The following SPEM3 variants were observed in gnomAD, a reference collection of about 807,000 sequenced individuals.
The protein encoded by SPEM3 is SPEM family member 3, also known as uncharacterized protein SPEM3.
chr17:7,429,571 G>T lies in SPEM3; in HGVS notation c.400G>T (p.Gly134Cys). Residue 134 changes from glycine (G) to cysteine (C), a missense_variant, in exon 3 of 3, where the codon GGC becomes TGC. Gly to Cys is a radical substitution (Grantham distance 159). Transcript: ENST00000636696. This position sits in a 1 kb window ranked among gnomAD's most constrained non-coding sequence, Gnocchi z 4.9. ...CGTGCCCCCTAAATGTGGACATGCC[G>T]GCGTTCCCAGGGAGTCTGCACGGGG... ...CCVPPKCGHA[G>C]VPRESARGLY... The T allele has an allele frequency of 2.5e-6, 1 of 398,660 alleles. No homozygotes were observed. The highest frequency in any genetic ancestry group is 4.4e-6 in the Non-Finnish European group (1 of 226,152). The allele number at this position is 398,660 out of a possible 1,614,324, so 24.7% of individuals were successfully genotyped here. A position where few individuals can be genotyped will look rare whatever the true frequency, so the allele number is the denominator to read the frequency against.
Position 7,432,008 on chromosome 17 carries a change from A to C in SPEM3, c.2837A>C (p.Lys946Thr), listed in dbSNP as rs182303180. The change falls in exon 3 of 3, where the codon AAA (lysine) becomes ACA (threonine). Residue 946 changes from lysine (K) to threonine (T), a missense_variant. By Grantham distance (78) the Lys-to-Thr change is moderately conservative (BLOSUM62 -1). Coordinates refer to ENST00000636696, the MANE Select transcript of SPEM3 (RefSeq NM_001364708.1). The surrounding 1 kb of genome is among the most constrained non-coding windows in gnomAD (Gnocchi z 4.1). ...CTCCCAAGCCTTACCCAAGCCACTA[A>C]AGTTGAAAGAAGATTTAGCCTTCCC... ...SNLPSLTQATKVERRFSLPQD... is the reference protein window; with the variant it reads ...SNLPSLTQATTVERRFSLPQD... 86 of 398,546 alleles carry C rather than the reference A, an allele frequency of 2.2e-4. No individual in the cohort carries two copies. In the East Asian group the frequency reaches 3.1e-3, roughly 14 times the overall value. 24.7% of individuals were successfully genotyped at this position (398,546 alleles called of 1,614,324 possible).
chr17:7,429,123 C>T lies in SPEM3; in HGVS notation c.139-67C>T, dbSNP rs1907745864. On this transcript the variant is annotated intron_variant, in intron 1 of 2. Transcript: ENST00000636696. The surrounding 1 kb of genome is among the most constrained non-coding windows in gnomAD (Gnocchi z 4.9). ...AGGTGGGAGGGCTGTTGGGGTGTGG[C>T]CAGATAAGAGTTGGACTTAGGGGCT... The T allele has an allele frequency of 5.0e-6, 2 of 398,794 alleles. No individual in the cohort carries two copies. The highest frequency in any genetic ancestry group is 4.4e-5 in the Admixed American group (1 of 22,728). The allele number at this position is 398,794 out of a possible 1,614,324, so 24.7% of individuals were successfully genotyped here. A position where few individuals can be genotyped will look rare whatever the true frequency, so the allele number is the denominator to read the frequency against.
At position 7,431,400 on chromosome 17, in the gene SPEM3, C is replaced by A; in HGVS notation, c.2229C>A (p.Asp743Glu). The A allele has an allele frequency of 2.5e-6, 1 of 398,568 alleles. No homozygotes were observed. Among genetic ancestry groups the A allele is most frequent in the Non-Finnish European group, 4.4e-6 (1 of 226,064 alleles). 24.7% of individuals were successfully genotyped at this position (398,568 alleles called of 1,614,324 possible). A position where few individuals can be genotyped will look rare whatever the true frequency, so the allele number is the denominator to read the frequency against. The change falls in exon 3 of 3, where the codon GAC (aspartate) becomes GAA (glutamate). Residue 743 changes from aspartate (D) to glutamate (E), a missense_variant. By Grantham distance (45) the Asp-to-Glu change is conservative. Coordinates refer to ENST00000636696, the MANE Select transcript of SPEM3 (RefSeq NM_001364708.1). ...YLCQNPSPSQ[D>E]FGLHKNSGIT... ...GCCAGAATCCAAGCCCTTCTCAAGA[C>A]TTTGGTCTTCACAAGAATTCAGGCA...
Position 7,430,369 on chromosome 17 carries a change from T to TCTGCCCCCAGCCC in SPEM3, c.1199_1211dup (p.Ala405CysfsTer19). On this transcript the variant is annotated frameshift_variant, in exon 3 of 3. Transcript: ENST00000636696. LOFTEE classifies it low-confidence loss of function (END_TRUNC). ...TCCAACACCAGCCCCTGTCCCAGCC[T>TCTGCCCCCAGCCC]CTGCCCCCAGCCCTGCTCCAGCACT... 1 of 416,414 alleles carries TCTGCCCCCAGCCC rather than the reference T, an allele frequency of 2.4e-6. No individual in the cohort carries two copies. Among genetic ancestry groups the TCTGCCCCCAGCCC allele is most frequent in the Non-Finnish European group, 4.2e-6 (1 of 236,990 alleles). The allele number at this position is 416,414 out of a possible 1,614,324, so 25.8% of individuals were successfully genotyped here. A position where few individuals can be genotyped will look rare whatever the true frequency, so the allele number is the denominator to read the frequency against.
chr17:7,432,646 C>T lies in SPEM3; in HGVS notation c.3475C>T (p.Gln1159Ter), dbSNP rs923785969. Residue 1159 changes from glutamine to a stop codon, truncating the protein, a stop_gained, in exon 3 of 3, where the codon CAG becomes TAG. Transcript: ENST00000636696. LOFTEE classifies it high-confidence loss of function. The surrounding 1 kb of genome is among the most constrained non-coding windows in gnomAD (Gnocchi z 4.1). ...AGGGCATGTGGTTTTTGATGCCCGT[C>T]AGAGACGGTTGGCAGTGGGCAAGGA... The part of the protein sequence containing the change: ...QAGHVVFDAR[Q>*]RRLAVGKDKC... 1.8e-5 allele frequency: 7 copies of T among 398,646 alleles called. No homozygotes were observed. The highest frequency in any genetic ancestry group is 2.7e-5 in the Non-Finnish European group (6 of 226,094). 24.7% of individuals were successfully genotyped at this position (398,646 alleles called of 1,614,324 possible). A position where few individuals can be genotyped will look rare whatever the true frequency, so the allele number is the denominator to read the frequency against.
At position 7,430,511 on chromosome 17, in the gene SPEM3, GCCATGTGGT is replaced by G; in HGVS notation, c.1342_1350del (p.His448_Val450del). Reference sequence around the variant, plus strand: ...GCCTTCAGCCATGACCTCTCCACTGGCCATGTGGTCTATGATGCCCGCAGGGAAAAGCAG... The same window carrying G: ...GCCTTCAGCCATGACCTCTCCACTGGCTATGATGCCCGCAGGGAAAAGCAG... On this transcript the variant is annotated inframe_deletion, in exon 3 of 3. Transcript: ENST00000636696. 1 of 399,128 alleles carries G rather than the reference GCCATGTGGT, an allele frequency of 2.5e-6. No individual in the cohort carries two copies. The highest frequency in any genetic ancestry group is 4.4e-6 in the Non-Finnish European group (1 of 226,440). The allele number at this position is 399,128 out of a possible 1,614,324, so 24.7% of individuals were successfully genotyped here. A position where few individuals can be genotyped will look rare whatever the true frequency, so the allele number is the denominator to read the frequency against.
Position 7,432,379 on chromosome 17 carries a change from C to T in SPEM3, c.3208C>T (p.Arg1070Cys), listed in dbSNP as rs925018015. 9 of 398,516 alleles carry T rather than the reference C, an allele frequency of 2.3e-5. No homozygotes were observed. The highest frequency in any genetic ancestry group is 2.1e-5 in the African/African-American group (1 of 48,622). The allele number at this position is 398,516 out of a possible 1,614,324, so 24.7% of individuals were successfully genotyped here. A position where few individuals can be genotyped will look rare whatever the true frequency, so the allele number is the denominator to read the frequency against. The change falls in exon 3 of 3, where the codon CGT becomes TGT. Residue 1070 changes from arginine (R) to cysteine (C), a missense_variant. Coordinates refer to ENST00000636696, the MANE Select transcript of SPEM3 (RefSeq NM_001364708.1). The surrounding 1 kb of genome is among the most constrained non-coding windows in gnomAD (Gnocchi z 4.1). ...EDAQRHVLWA[R>C]VQLNENSCPS... ...CGCACAGCGGCACGTCCTCTGGGCT[C>T]GTGTCCAACTCAATGAGAACTCCTG...
Position 7,429,407 on chromosome 17 carries a change from C to T in SPEM3, c.236C>T (p.Ser79Phe), listed in dbSNP as rs1331134731. 1 of 398,496 alleles carries T rather than the reference C, an allele frequency of 2.5e-6. No individual in the cohort carries two copies. The highest frequency in any genetic ancestry group is 2.1e-5 in the African/African-American group (1 of 48,596). The allele number at this position is 398,496 out of a possible 1,614,324, so 24.7% of individuals were successfully genotyped here. The change falls in exon 3 of 3, where the codon TCC (serine) becomes TTC (phenylalanine). Residue 79 changes from serine (S) to phenylalanine (F), a missense_variant. Coordinates refer to ENST00000636696, the MANE Select transcript of SPEM3 (RefSeq NM_001364708.1). The surrounding 1 kb of genome is among the most constrained non-coding windows in gnomAD (Gnocchi z 4.9). Reference protein sequence around the residue: ...PSGSHPICICSSVDPKNLCSK... With the variant: ...PSGSHPICICFSVDPKNLCSK... ...GGCAGCCATCCCATATGTATTTGCT[C>T]CTCCGTGGATCCCAAGAACCTGTGC...
Position 7,429,573 on chromosome 17 carries a change from C to T in SPEM3, c.402C>T (p.Gly134=), listed in dbSNP as rs540461571. ...CCVPPKCGHA[G]VPRESARGLY... is the part of the protein sequence containing the mutation. ...TGCCCCCTAAATGTGGACATGCCGG[C>T]GTTCCCAGGGAGTCTGCACGGGGAC... Residue 134 remains glycine, a synonymous_variant, in exon 3 of 3, where the codon GGC becomes GGT. Coordinates refer to ENST00000636696, the MANE Select transcript of SPEM3 (RefSeq NM_001364708.1). The surrounding 1 kb of genome is among the most constrained non-coding windows in gnomAD (Gnocchi z 4.9). The T allele has an allele frequency of 2.3e-4, 90 of 398,660 alleles. No individual in the cohort carries two copies. The highest frequency in any genetic ancestry group is 6.4e-4 in the South Asian group (5 of 7,868). The allele number at this position is 398,660 out of a possible 1,614,324, so 24.7% of individuals were successfully genotyped here.
chr17:7,430,624 G>A lies in SPEM3; in HGVS notation c.1453G>A (p.Gly485Ser). Residue 485 changes from glycine (G) to serine (S), a missense_variant, in exon 3 of 3, where the codon GGT becomes AGT. By Grantham distance (56) the Gly-to-Ser change is moderately conservative. Coordinates refer to ENST00000636696, the MANE Select transcript of SPEM3 (RefSeq NM_001364708.1). ...GGCTACCCTCTTCAGGCCCCAAGAG[G>A]GTCAGGACCTGGTGAGTTCTGGCAT... ...DLATLFRPQEGQDLVSSGISE... is the reference protein window; with the variant it reads ...DLATLFRPQESQDLVSSGISE... The A allele has an allele frequency of 2.5e-6, 1 of 398,684 alleles. No homozygotes were observed. Among genetic ancestry groups the A allele is most frequent in the Non-Finnish European group, 4.4e-6 (1 of 226,132 alleles). The allele number at this position is 398,684 out of a possible 1,614,324, so 24.7% of individuals were successfully genotyped here.
rs1287066374 is a variant in SPEM3, at chr17:7,430,882, GC to G, written c.1712del (p.Ala571AspfsTer50). The G allele has an allele frequency of 2.5e-6, 1 of 398,570 alleles. No homozygotes were observed. The highest frequency in any genetic ancestry group is 4.4e-6 in the Non-Finnish European group (1 of 226,148). 24.7% of individuals were successfully genotyped at this position (398,570 alleles called of 1,614,324 possible). On this transcript the variant is annotated frameshift_variant, in exon 3 of 3. Coordinates refer to ENST00000636696, the MANE Select transcript of SPEM3 (RefSeq NM_001364708.1). LOFTEE classifies it low-confidence loss of function (END_TRUNC). ...PKFLAYSRDT[A>X]CAKTCFHSAT... is the part of the protein sequence containing the mutation. ...ATTCCTTGCCTACTCCCGGGATACT[GC>G]ATGTGCCAAGACTTGCTTTCATTCT...
Position 7,431,312 on chromosome 17 carries a change from C to T in SPEM3, c.2141C>T (p.Pro714Leu). Residue 714 changes from proline (P) to leucine (L), a missense_variant, in exon 3 of 3, where the codon CCA becomes CTA. Pro to Leu is a moderately conservative substitution (Grantham distance 98). Coordinates refer to ENST00000636696, the MANE Select transcript of SPEM3 (RefSeq NM_001364708.1). Reference protein sequence around the residue: ...LTQDPGLHENPGLAPNQGLHE... With the variant: ...LTQDPGLHENLGLAPNQGLHE... ...CAAGATCCAGGCCTCCACGAGAACC[C>T]AGGTCTTGCTCCAAATCAAGGCCTA... is the stretch of plus-strand genomic sequence containing the variant. The T allele has an allele frequency of 2.5e-6, 1 of 398,560 alleles. No individual in the cohort carries two copies. The highest frequency in any genetic ancestry group is 4.4e-6 in the Non-Finnish European group (1 of 226,054). 24.7% of individuals were successfully genotyped at this position (398,560 alleles called of 1,614,324 possible). A position where few individuals can be genotyped will look rare whatever the true frequency, so the allele number is the denominator to read the frequency against.
At position 7,430,597 on chromosome 17, in the gene SPEM3, T is replaced by C. The variant is rs1907801772; in HGVS notation, c.1426T>C (p.Leu476=). 5.0e-6 allele frequency: 2 copies of C among 398,654 alleles called. No homozygotes were observed. Among genetic ancestry groups the C allele is most frequent in the Middle Eastern group, 1.2e-3 (2 of 1,610 alleles). The allele number at this position is 398,654 out of a possible 1,614,324, so 24.7% of individuals were successfully genotyped here. A position where few individuals can be genotyped will look rare whatever the true frequency, so the allele number is the denominator to read the frequency against. Residue 476 remains leucine (L), a synonymous_variant, in exon 3 of 3, where the codon TTG becomes CTG. Transcript: ENST00000636696. ...PQNPEYSRKD[L]ATLFRPQEGQ... ...GAACCCTGAGTATTCAAGAAAAGAC[T>C]TGGCTACCCTCTTCAGGCCCCAAGA...
rs1478366864 is a variant in SPEM3, at chr17:7,432,653, G to A, written c.3482G>A (p.Arg1161Gln). The A allele has an allele frequency of 2.3e-5, 9 of 398,534 alleles. No homozygotes were observed. Among genetic ancestry groups the A allele is most frequent in the Admixed American group, 4.4e-5 (1 of 22,718 alleles). The allele number at this position is 398,534 out of a possible 1,614,324, so 24.7% of individuals were successfully genotyped here. The change falls in exon 3 of 3, where the codon CGG becomes CAG. Residue 1161 changes from arginine (R) to glutamine (Q), a missense_variant. Transcript: ENST00000636696. The surrounding 1 kb of genome is among the most constrained non-coding windows in gnomAD (Gnocchi z 4.1). The stretch of plus-strand genomic sequence containing the variant: ...GTGGTTTTTGATGCCCGTCAGAGAC[G>A]GTTGGCAGTGGGCAAGGACAAGTGT... Reference protein sequence around the residue: ...GHVVFDARQRRLAVGKDKCEA... With the variant: ...GHVVFDARQRQLAVGKDKCEA...
In SPEM3 at chr17:7,432,783, G is replaced by A. The variant is rs1907873251; in HGVS notation, c.*21G>A. On this transcript the variant is annotated 3_prime_UTR_variant, in exon 3 of 3. Transcript: ENST00000636696. The surrounding 1 kb of genome is among the most constrained non-coding windows in gnomAD (Gnocchi z 4.1). ...TGTGATGAGAACCTTGGACAAAGAGGGGACAAAAGTGCATCAGGAATAAAG... is the reference window on the plus strand; with the variant it reads ...TGTGATGAGAACCTTGGACAAAGAGAGGACAAAAGTGCATCAGGAATAAAG... 2.5e-6 allele frequency: 1 copy of A among 398,556 alleles called. No individual in the cohort carries two copies. The highest frequency in any genetic ancestry group is 4.4e-6 in the Non-Finnish European group (1 of 226,106). 24.7% of individuals were successfully genotyped at this position (398,556 alleles called of 1,614,324 possible). A position where few individuals can be genotyped will look rare whatever the true frequency, so the allele number is the denominator to read the frequency against.
rs1233195719 is a variant in SPEM3, at chr17:7,428,979, C to T, written c.77C>T (p.Ser26Leu). ...NPRKCQDLGD[S>L]ILLLLGSFIL... ...AGGAAGTGCCAGGACTTAGGAGACTCGATTCTTCTTCTTCTGGGCAGCTTC... is the reference window on the plus strand; with the variant it reads ...AGGAAGTGCCAGGACTTAGGAGACTTGATTCTTCTTCTTCTGGGCAGCTTC... The change falls in exon 1 of 3, where the codon TCG (serine) becomes TTG (leucine). Residue 26 changes from serine (S) to leucine (L), a missense_variant. Physicochemically the swap from Ser to Leu is moderately radical, Grantham distance 145 (BLOSUM62 -2). Transcript: ENST00000636696. 1.3e-5 allele frequency: 5 copies of T among 398,826 alleles called. No individual in the cohort carries two copies. Among genetic ancestry groups the T allele is most frequent in the Non-Finnish European group, 2.2e-5 (5 of 226,166 alleles). The allele number at this position is 398,826 out of a possible 1,614,324, so 24.7% of individuals were successfully genotyped here.
rs1446267269 is a variant in SPEM3, at chr17:7,431,220, C to T, written c.2049C>T (p.Asp683=). ...GLQRTPGPSK[D]SRVPRNLDLA... is the part of the protein sequence containing the mutation. ...AAAGGACCCCAGGCCCTTCAAAAGA[C>T]TCCAGAGTTCCCAGGAATCTGGACC... Residue 683 remains aspartate (D), a synonymous_variant, in exon 3 of 3, where the codon GAC becomes GAT. Transcript: ENST00000636696. 5.0e-6 allele frequency: 2 copies of T among 398,464 alleles called. No homozygotes were observed. Among genetic ancestry groups the T allele is most frequent in the Admixed American group, 4.4e-5 (1 of 22,702 alleles). 24.7% of individuals were successfully genotyped at this position (398,464 alleles called of 1,614,324 possible).
In SPEM3 at chr17:7,431,861, T is replaced by C; in HGVS notation, c.2690T>C (p.Val897Ala). The C allele has an allele frequency of 2.5e-6, 1 of 398,488 alleles. No homozygotes were observed. Among genetic ancestry groups the C allele is most frequent in the African/African-American group, 2.1e-5 (1 of 48,680 alleles). 24.7% of individuals were successfully genotyped at this position (398,488 alleles called of 1,614,324 possible). The change falls in exon 3 of 3, where the codon GTC becomes GCC. Residue 897 changes from valine to alanine, a missense_variant. Transcript: ENST00000636696. ...ESFLHKSPGL[V>A]QTSGLPKCSG... ...TTTCTCCACAAGAGCCCAGGCCTTGTCCAAACCTCTGGCCTCCCAAAGTGC... is the reference window on the plus strand; with the variant it reads ...TTTCTCCACAAGAGCCCAGGCCTTGCCCAAACCTCTGGCCTCCCAAAGTGC...
rs556746478 is a variant in SPEM3 at position 7,431,507 on chromosome 17, C to T, written c.2336C>T (p.Ser779Phe). Residue 779 changes from serine to phenylalanine, a missense_variant, in exon 3 of 3, where the codon TCC becomes TTC. Transcript: ENST00000636696. ...GILRSPCLTQSPGLHKKTPFT... is the reference protein window; with the variant it reads ...GILRSPCLTQFPGLHKKTPFT... ...CTTAGGAGCCCATGTCTCACCCAAT[C>T]CCCTGGCCTCCACAAGAAAACACCA... 57 of 398,586 alleles carry T rather than the reference C, an allele frequency of 1.4e-4. No individual in the cohort carries two copies. Among genetic ancestry groups the T allele is most frequent in the African/African-American group, 1.1e-3 (54 of 48,730 alleles). The allele number at this position is 398,586 out of a possible 1,614,324, so 24.7% of individuals were successfully genotyped here. A position where few individuals can be genotyped will look rare whatever the true frequency, so the allele number is the denominator to read the frequency against.
Sources: allele counts gnomAD v4.1 joint callset, GRCh38; gene constraint gnomAD v4.1.1; non-coding constraint Gnocchi (gnomAD v3.1); transcripts MANE v1.5; gene names NCBI Gene and HGNC (gene_info 2026-07-23, HGNC 2026-07-21).